The following SLC25A53 variants were observed in gnomAD, a reference collection of about 807,000 sequenced individuals.
SLC25A53 encodes the protein solute carrier family 25 member 53.
A neutral mutation model predicts 15.0 loss-of-function variants in SLC25A53; 5 were observed. The ratio of observed to expected loss-of-function variants is 0.33; its 90% CI spans 0.17 to 0.70. SLC25A53 has a LOEUF of 0.70. Among genes scored for constraint, SLC25A53 ranks in the 30% least tolerant of loss-of-function variants. The pLI is 0.67. For missense variants in SLC25A53, 216 were observed against 241.6 expected (o/e 0.89, Z 0.70); for synonymous variants, 95 against 100.0 (o/e 0.95, Z 0.30).
At chrX:104,149,923 C>A (rs1310293832) in intron 1 of SLC25A53, among the ~76,000 whole-genome samples, 1 of 111,201 alleles carries the variant, frequency 9.0e-6, no homozygotes, top group Admixed American at 9.6e-5. Context: ...AACTGAGGCT[C>A]CTAAGCTCTG....
At position 104,105,287 on chromosome X, in the gene SLC25A53, A is replaced by C; in HGVS notation, c.-30T>G. ...AAGACAACTGGGTGCAGATGGAAGA[A>C]ACTGGCAAGGGTGGAAAAAAAGAGA... On this transcript the variant is annotated splice_region_variant and 5_prime_UTR_variant, in exon 2 of 2. Transcript: ENST00000594199. The C allele has an allele frequency of 1.8e-6, 2 of 1,136,619 alleles. No individual in the cohort carries two copies. The highest frequency in any genetic ancestry group is 2.4e-6 in the Non-Finnish European group (2 of 845,666). The allele number at this position is 1,136,619 out of a possible 1,213,427, so 93.7% of individuals were successfully genotyped here.
intron 1 of SLC25A53, chrX:104,114,723 G>A (rs782126085): frequency 1.5e-5 from 18 of 1,210,222 alleles, no homozygotes; most frequent in Non-Finnish European, 1.7e-5. Context: ...ATAAGCAGGA[G>A]CGGCTTCCCA....
chrX:104,106,279 C>G (rs1207597027), intron 1 of SLC25A53, among the ~76,000 whole-genome samples: 1 of 110,830 alleles, frequency 9.0e-6, no homozygotes, highest in East Asian at 2.8e-4. Context: ...GAAGCCAGGA[C>G]ATATGAAGGA....
At chrX:104,137,705 C>A (rs1355524328) in intron 1 of SLC25A53, among the ~76,000 whole-genome samples, 2 of 111,553 alleles carry the variant, frequency 1.8e-5, no homozygotes, top group African/African-American at 3.3e-5. Flanking sequence ...CCAATCAGGG[C>A]TATGCTATAT....
At chrX:104,116,884 T>C (rs1309463875) in intron 1 of SLC25A53, among the ~76,000 whole-genome samples, 1 of 110,797 alleles carries the variant, frequency 9.0e-6, no homozygotes, top group Non-Finnish European at 1.9e-5. Flanking sequence ...CACTGCTCCA[T>C]CCATATCCCC....
chrX:104,129,793 TATA>T (rs1162728252), intron 1 of SLC25A53, among the ~76,000 whole-genome samples: 1 of 107,156 alleles, frequency 9.3e-6, no homozygotes, highest in Non-Finnish European at 1.9e-5. Flanking sequence ...CAACTATATA[TATA>T]AATATATATG....
At chrX:104,125,770 G>C (rs1556364135) in intron 1 of SLC25A53, among the ~76,000 whole-genome samples, 1 of 111,784 alleles carries the variant, frequency 8.9e-6, no homozygotes, top group East Asian at 2.8e-4. Flanking sequence ...TGAGGCTGCA[G>C]AGTTCACAGA....
At chrX:104,113,889 T>A (rs1051282748) in intron 1 of SLC25A53, 5 of 468,383 alleles carry the variant, frequency 1.1e-5, no homozygotes, top group African/African-American at 2.4e-5. Context: ...ACTGGGCAGA[T>A]ATAAAATGCA....
intron 1 of SLC25A53, among the ~76,000 whole-genome samples, chrX:104,124,361 C>A (rs782432169): frequency 1.8e-5 from 2 of 111,974 alleles, no homozygotes; most frequent in Non-Finnish European, 3.8e-5. Flanking sequence ...TAAATGTCTT[C>A]TTTTGAGAAG....
At position 104,104,978 on chromosome X, in the gene SLC25A53, G is replaced by C. The variant is rs2075300758; in HGVS notation, c.280C>G (p.Leu94Val). The change falls in exon 2 of 2, where the codon CTT becomes GTT. Residue 94 changes from leucine to valine, a missense_variant. Coordinates refer to ENST00000594199, the MANE Select transcript of SLC25A53 (RefSeq NM_001012755.5). Reference sequence around the variant, plus strand: ...AGGCTATCATAAGTCCCAAACAGAAGAGTCCCTTGCAACGTCTTGGAGAGA... The same window carrying C: ...AGGCTATCATAAGTCCCAAACAGAACAGTCCCTTGCAACGTCTTGGAGAGA... The part of the protein sequence containing the change: ...PLLSKTLQGT[L>V]LFGTYDSLLC... The C allele has an allele frequency of 8.3e-7, 1 of 1,209,581 alleles. No homozygotes were observed. Among genetic ancestry groups the C allele is most frequent in the African/African-American group, 1.8e-5 (1 of 56,976 alleles).
intron 1 of SLC25A53, among the ~76,000 whole-genome samples, chrX:104,145,051 A>G (rs951957759): frequency 5.3e-5 from 6 of 112,172 alleles, no homozygotes; most frequent in South Asian, 3.7e-4. Context: ...GATTGACCAC[A>G]TAGTTGGAAG....
At chrX:104,152,385 T>G (rs1332441568) in intron 1 of SLC25A53, among the ~76,000 whole-genome samples, 1 of 109,251 alleles carries the variant, frequency 9.2e-6, no homozygotes, top group Admixed American at 9.8e-5. Flanking sequence ...GCTTCATCCA[T>G]GTCCCTACAA....
At chrX:104,125,419 C>G (rs1422889818) in intron 1 of SLC25A53, among the ~76,000 whole-genome samples, 2 of 111,738 alleles carry the variant, frequency 1.8e-5, no homozygotes, top group Non-Finnish European at 3.8e-5. Context: ...TTTGGACCAG[C>G]TGCTTGAGAG....
At chrX:104,105,752 A>T (rs1164767956) in intron 1 of SLC25A53, among the ~76,000 whole-genome samples, 71 of 112,150 alleles carry the variant, frequency 6.3e-4, no homozygotes, top group African/African-American at 2.3e-3. Context: ...AGTTGGTATT[A>T]AATTTGGGGA....
intron 1 of SLC25A53, among the ~76,000 whole-genome samples, chrX:104,153,505 AC>A (rs1265115389): frequency 9.0e-6 from 1 of 111,579 alleles, no homozygotes; most frequent in African/African-American, 3.3e-5. Context: ...GGAACTACCT[AC>A]CAATTCTGAC....
At chrX:104,151,185 G>A (rs2075483779) in intron 1 of SLC25A53, among the ~76,000 whole-genome samples, 1 of 111,370 alleles carries the variant, frequency 9.0e-6, no homozygotes, top group African/African-American at 3.3e-5. Context: ...AGTGCAGAAA[G>A]GTTATTCCAA....
chrX:104,141,030 A>G (rs900700527), intron 1 of SLC25A53, among the ~76,000 whole-genome samples: 1 of 112,270 alleles, frequency 8.9e-6, no homozygotes, highest in African/African-American at 3.2e-5. Context: ...AGAATGGCAG[A>G]GTAAGAACCT....
intron 1 of SLC25A53, among the ~76,000 whole-genome samples, chrX:104,127,565 C>T (rs781911806): frequency 2.1e-4 from 24 of 112,074 alleles, no homozygotes; most frequent in Non-Finnish European, 3.6e-4. Flanking sequence ...ACTATAATAA[C>T]GTAAGGTGCC....
At chrX:104,144,007 A>AT (rs781975113) in intron 1 of SLC25A53, among the ~76,000 whole-genome samples, 10 of 111,674 alleles carry the variant, frequency 9.0e-5, no homozygotes, top group Non-Finnish European at 1.9e-4. Flanking sequence ...ACTAAGCTTC[A>AT]TAAGTGAAGG....
Sources: gnomAD v4.1 joint callset for allele counts (sites outside exome capture counted in the v4.1 genomes callset) on GRCh38, gnomAD v4.1.1 for gene constraint, MANE v1.5 for transcripts, NCBI Gene and HGNC (gene_info 2026-07-23, HGNC 2026-07-21) for gene names.